TLN2: variants seen among roughly 807,000 people sequenced by gnomAD.
TLN2 encodes talin 2, also known as talin-2.
In TLN2, 118 loss-of-function variants were observed where a neutral mutation model predicts 294.7. That is an observed-to-expected ratio of 0.40 (90% CI 0.34 to 0.47). The LOEUF (loss-of-function observed/expected upper bound fraction) is 0.47, where lower values mean the gene tolerates loss of function less well. TLN2 is among the 20% of genes least tolerant of loss of function. The probability of loss-of-function intolerance (pLI) is 0.84; values close to 1 mark genes in which losing one functional copy is unlikely to be tolerated. For synonymous variants in TLN2, 1,431 were observed against 1,304.5 expected (o/e 1.10, Z -2.09); for missense variants, 3,083 against 3,282.2 (o/e 0.94, Z 1.48).
At chr15:62,766,548 G>T in intron 41 of TLN2, 126 bp downstream of exon 41, 1 of 796,038 alleles carries the variant, frequency 1.3e-6, no homozygotes, top group Non-Finnish European at 2.0e-6. Context: ...TCCAATGCTC[G>T]TTTAAGCTGC....
intron 1 of TLN2, among the ~76,000 whole-genome samples, chr15:62,545,390 G>A (rs748280905): frequency 1.3e-5 from 2 of 152,094 alleles, no homozygotes; most frequent in Non-Finnish European, 1.5e-5. Flanking sequence ...GAGGAAAGAG[G>A]GAAAGAGAAA....
At chr15:62,806,735 T>C (rs2066312570) in intron 51 of TLN2, among the ~76,000 whole-genome samples, 1 of 152,150 alleles carries the variant, frequency 6.6e-6, no homozygotes, top group Non-Finnish European at 1.5e-5. Context: ...TTCCCCCTTC[T>C]TGGGACAGCC....
At chr15:62,423,495 C>T (rs191606811) in intron 1 of TLN2, among the ~76,000 whole-genome samples, 69 of 152,256 alleles carry the variant, frequency 4.5e-4, no homozygotes, top group Non-Finnish European at 7.3e-4. Context: ...TGCAAATGTG[C>T]GTGAACATAT....
chr15:62,533,538 C>T (rs2041171066), intron 1 of TLN2, among the ~76,000 whole-genome samples: 1 of 152,036 alleles, frequency 6.6e-6, no homozygotes, highest in Non-Finnish European at 1.5e-5. Flanking sequence ...ATAAGCACAT[C>T]TATATAGAAG....
chr15:62,761,955 C>A, intron 38 of TLN2, 134 bp downstream of exon 38: 1 of 1,211,758 alleles, frequency 8.3e-7, no homozygotes, highest in Non-Finnish European at 1.2e-6. Context: ...TCAATGATGG[C>A]ATGTGCACAG....
intron 46 of TLN2, among the ~76,000 whole-genome samples, chr15:62,794,188 T>C (rs901003435): frequency 2.0e-5 from 3 of 152,218 alleles, no homozygotes; most frequent in African/African-American, 4.8e-5. Flanking sequence ...CCTCGGCCGC[T>C]ACCTGTCCCG....
Position 62,644,914 on chromosome 15 carries a change from C to T in TLN2, c.-36-2361C>T, listed in dbSNP as rs183413473. On this transcript the variant is annotated intron_variant, in intron 3 of 58. Coordinates refer to ENST00000636159, the MANE Select transcript of TLN2 (RefSeq NM_015059.3). The stretch of plus-strand genomic sequence containing the variant: ...GGGAAGGGCAGACTTCACGCAGCAA[C>T]GCTTACAACACTTCGTTTTCCGAGG... The T allele has an allele frequency of 6.7e-5, 18 of 268,086 alleles. 1 individual carries two copies. The East Asian group carries it at 1.1e-3, about 17-fold the overall frequency. The allele number at this position is 268,086 out of a possible 1,614,324, so 16.6% of individuals were successfully genotyped here. A position where few individuals can be genotyped will look rare whatever the true frequency, so the allele number is the denominator to read the frequency against.
chr15:62,718,414 TG>T (rs2059919254), intron 24 of TLN2, among the ~76,000 whole-genome samples: 1 of 152,148 alleles, frequency 6.6e-6, no homozygotes, highest in African/African-American at 2.4e-5. Flanking sequence ...CTGTCTCTGC[TG>T]GGGTTATGAG....
chr15:62,809,993 C>G lies in TLN2; in HGVS notation c.6732C>G (p.Cys2244Trp). 6.2e-7 allele frequency: 1 copy of G among 1,614,080 alleles called. No homozygotes were observed. The highest frequency in any genetic ancestry group is 8.5e-7 in the Non-Finnish European group (1 of 1,180,010). The change falls in exon 52 of 59, where the codon TGC (cysteine) becomes TGG (tryptophan). Residue 2244 changes from cysteine (C) to tryptophan (W), a missense_variant. Physicochemically the swap from Cys to Trp is radical, Grantham distance 215. Transcript: ENST00000636159. ...GAGCCTTGCGTTTCGGGACGGAGTG[C>G]ACCCTTGGCTACTTGGACCTCCTGG... ...RTRALRFGTECTLGYLDLLEH... is the reference protein window; with the variant it reads ...RTRALRFGTEWTLGYLDLLEH...
At chr15:62,421,109 T>C (rs1422566089) in intron 1 of TLN2, among the ~76,000 whole-genome samples, 1 of 152,196 alleles carries the variant, frequency 6.6e-6, no homozygotes, top group East Asian at 1.9e-4. Flanking sequence ...TTTCCAGGCC[T>C]TCTCTCTGTA....
intron 42 of TLN2, among the ~76,000 whole-genome samples, chr15:62,773,024 G>A (rs746201876): frequency 2.0e-5 from 3 of 151,968 alleles, no homozygotes; most frequent in Non-Finnish European, 4.4e-5. Flanking sequence ...GTTCCTGATG[G>A]AATTTTATTT....
At chr15:62,808,029 C>G (rs2066414862) in intron 51 of TLN2, among the ~76,000 whole-genome samples, 2 of 152,092 alleles carry the variant, frequency 1.3e-5, no homozygotes, top group Non-Finnish European at 2.9e-5. Flanking sequence ...CCTTAAATGC[C>G]AAGCAGAAGG....
rs145800026 is a variant in TLN2, at chr15:62,482,557, G to A, written c.-238+91872G>A. Among the ~76,000 whole-genome samples the A allele has an allele frequency of 5.4e-3, 786 of 144,582 alleles. 5 individuals are homozygous for A. The highest frequency in any genetic ancestry group is 0.017 in the African/African-American group (652 of 38,270). 94.9% of individuals were successfully genotyped at this position (144,582 alleles called of 152,430 possible). Reference sequence around the variant, plus strand: ...GGCAGAGTTGTGGTGAGCCGAGATCGTGCCATCGCACTCCAGCCTGGACAA... The same window carrying A: ...GGCAGAGTTGTGGTGAGCCGAGATCATGCCATCGCACTCCAGCCTGGACAA... On this transcript the variant is annotated intron_variant, in intron 1 of 58. Coordinates refer to ENST00000636159, the MANE Select transcript of TLN2 (RefSeq NM_015059.3).
In TLN2 at chr15:62,739,424, C is replaced by T; in HGVS notation, c.3764C>T (p.Ala1255Val). The T allele has an allele frequency of 6.2e-7, 1 of 1,614,150 alleles. No individual in the cohort carries two copies. The highest frequency in any genetic ancestry group is 8.5e-7 in the Non-Finnish European group (1 of 1,180,032). ...NQAAADLNQS[A>V]GEVVHATRGQ... ...GCAGCAGCTGATCTGAACCAGTCTG[C>T]TGGGGAAGTGGTCCATGCCACCCGG... The change falls in exon 31 of 59, where the codon GCT becomes GTT. Residue 1255 changes from alanine to valine, a missense_variant. Physicochemically the swap from Ala to Val is moderately conservative, Grantham distance 64. Coordinates refer to ENST00000636159, the MANE Select transcript of TLN2 (RefSeq NM_015059.3).
intron 22 of TLN2, among the ~76,000 whole-genome samples, chr15:62,713,039 A>G (rs1447312189): frequency 6.6e-6 from 1 of 151,846 alleles, no homozygotes; most frequent in Non-Finnish European, 1.5e-5. Flanking sequence ...AGGCCAAGAC[A>G]GGTGGATCAC....
chr15:62,539,496 G>A (rs914762402), intron 1 of TLN2, among the ~76,000 whole-genome samples: 2 of 152,182 alleles, frequency 1.3e-5, no homozygotes, highest in Non-Finnish European at 2.9e-5. Context: ...AGGTCTATAG[G>A]CAGACTAAGA....
At chr15:62,611,421 TC>T (rs1007358190) in intron 2 of TLN2, among the ~76,000 whole-genome samples, 3 of 152,164 alleles carry the variant, frequency 2.0e-5, no homozygotes, top group Admixed American at 6.5e-5. Flanking sequence ...GTAGCCTGTT[TC>T]CCTTGATAGA....
chr15:62,680,171 T>C (rs914335702), intron 11 of TLN2, among the ~76,000 whole-genome samples: 14 of 152,240 alleles, frequency 9.2e-5, no homozygotes, highest in African/African-American at 1.4e-4. Context: ...CCTTTTCATA[T>C]ATACTTTCAA....
intron 1 of TLN2, among the ~76,000 whole-genome samples, chr15:62,468,501 T>C (rs1167326027): frequency 6.6e-6 from 1 of 152,088 alleles, no homozygotes; most frequent in Non-Finnish European, 1.5e-5. Context: ...ATCCCAGCAC[T>C]TTGGGAGGCC....
Sources: gnomAD v4.1 joint callset for allele counts (sites outside exome capture counted in the v4.1 genomes callset) on GRCh38, gnomAD v4.1.1 for gene constraint, MANE v1.5 for transcripts, NCBI Gene and HGNC (gene_info 2026-07-23, HGNC 2026-07-21) for gene names.